REXO1: variants seen among roughly 807,000 people sequenced by gnomAD.
REXO1 encodes the protein RNA exonuclease 1 homolog.
A neutral mutation model predicts 102.6 loss-of-function variants in REXO1; 42 were observed. That is an observed-to-expected ratio of 0.41 (90% confidence interval 0.32 to 0.53). The LOEUF (loss-of-function observed/expected upper bound fraction) is 0.53, where lower values mean the gene tolerates loss of function less well. Ranked by LOEUF, REXO1 falls within the 20% of genes least tolerant of loss-of-function variation. The probability of loss-of-function intolerance (pLI) is 0.27; values close to 1 mark genes in which losing one functional copy is unlikely to be tolerated. For missense variants in REXO1, 1,819 were observed against 1,732.5 expected, an observed-to-expected ratio of 1.05 and a Z score of -0.89; for synonymous variants, 908 against 779.1, an observed-to-expected ratio of 1.17 and a Z score of -2.76.
At chr19:1,821,298 T>A (rs1187998997) in intron 5 of REXO1, among the ~76,000 whole-genome samples, 2 of 146,608 alleles carry the variant, frequency 1.4e-5, no homozygotes, top group African/African-American at 5.1e-5. Context: ...TGAGCCAAGA[T>A]CGTGCCACTG....
intron 1 of REXO1, among the ~76,000 whole-genome samples, chr19:1,844,489 A>C (rs745949491): frequency 6.6e-6 from 1 of 152,066 alleles, no homozygotes; most frequent in Non-Finnish European, 1.5e-5. Flanking sequence ...GGGCTTCAGG[A>C]GATATTGGGT....
Position 1,823,671 on chromosome 19 carries a change from C to T in REXO1, c.2131G>A (p.Ala711Thr). ...GACTTCTCTGCCAGCCTGGCGGGGGCCTGCAGCAAGCTCGCCGATGCCCTC... is the reference window on the plus strand; with the variant it reads ...GACTTCTCTGCCAGCCTGGCGGGGGTCTGCAGCAAGCTCGCCGATGCCCTC... ...AQRASASLLQ[A>T]PARLAEKSPS... Residue 711 changes from alanine to threonine, a missense_variant, in exon 4 of 16, where the codon GCC becomes ACC. Transcript: ENST00000170168. 7.7e-7 allele frequency: 1 copy of T among 1,293,556 alleles called. No individual in the cohort carries two copies. 80.1% of individuals were successfully genotyped at this position (1,293,556 alleles called of 1,614,324 possible). A position where few individuals can be genotyped will look rare whatever the true frequency, so the allele number is the denominator to read the frequency against.
chr19:1,819,079 C>T lies in REXO1; in HGVS notation c.2703G>A (p.Leu901=). The T allele has an allele frequency of 6.3e-7, 1 of 1,598,992 alleles. No individual in the cohort carries two copies. The highest frequency in any genetic ancestry group is 8.5e-7 in the Non-Finnish European group (1 of 1,171,962). ...VSHEVVLGGR[L]AAKTSFSLSR... ...TGAGCGAGAAGCTGGTCTTGGCGGCCAACCTGCCCCCCAACACCACCTCGT... is the reference window on the plus strand; with the variant it reads ...TGAGCGAGAAGCTGGTCTTGGCGGCTAACCTGCCCCCCAACACCACCTCGT... Residue 901 remains leucine (L), a synonymous_variant, in exon 8 of 16, where the codon TTG becomes TTA. Transcript: ENST00000170168.
At position 1,827,421 on chromosome 19, in the gene REXO1, C is replaced by T. The variant is rs994110301; in HGVS notation, c.1368G>A (p.Arg456=). The change falls in exon 2 of 16, where the codon CGG becomes CGA. Residue 456 remains arginine, a synonymous_variant. Coordinates refer to ENST00000170168, the MANE Select transcript of REXO1 (RefSeq NM_020695.4). ...AGTCCCCGCTTGTGGGGCTCGGCCG[C>T]CGCGCTGGCCGGTCAGGCCTCCCTT... ...SGKGRPDRPA[R]RPSPTSGDSR... is the part of the protein sequence containing the mutation. The T allele has an allele frequency of 1.3e-6, 2 of 1,546,930 alleles. No individual in the cohort carries two copies. Among genetic ancestry groups the T allele is most frequent in the African/African-American group, 2.8e-5 (2 of 72,102 alleles).
In REXO1 at chr19:1,827,960, C is replaced by G; in HGVS notation, c.829G>C (p.Asp277His). ...CTTGCATCGCAACTGCCAAAGGGGT[C>G]ACAGAGCTTCTTGGGAGCAGGTGTG... is the stretch of plus-strand genomic sequence containing the variant. The part of the protein sequence containing the change: ...PYTPAPKKLC[D>H]PFGSCDARFS... The change falls in exon 2 of 16, where the codon GAC (aspartate) becomes CAC (histidine). Residue 277 changes from aspartate (D) to histidine (H), a missense_variant. Coordinates refer to ENST00000170168, the MANE Select transcript of REXO1 (RefSeq NM_020695.4). The G allele has an allele frequency of 6.2e-7, 1 of 1,613,708 alleles. No homozygotes were observed. Among genetic ancestry groups the G allele is most frequent in the South Asian group, 1.1e-5 (1 of 91,078 alleles).
chr19:1,842,956 T>G (rs939481453), intron 1 of REXO1, among the ~76,000 whole-genome samples: 1 of 152,134 alleles, frequency 6.6e-6, no homozygotes, highest in Non-Finnish European at 1.5e-5. Context: ...GGGGGAGAGC[T>G]GCCAGCACAA....
chr19:1,831,964 C>T (rs1386366443), intron 1 of REXO1, among the ~76,000 whole-genome samples: 1 of 151,730 alleles, frequency 6.6e-6, no homozygotes, highest in African/African-American at 2.4e-5. Context: ...CCAGGTAAGT[C>T]CCCATCCTAA....
chr19:1,820,744 G>A (rs907300673), intron 5 of REXO1, among the ~76,000 whole-genome samples: 1 of 152,170 alleles, frequency 6.6e-6, no homozygotes, highest in African/African-American at 2.4e-5. Flanking sequence ...TATAATCCCA[G>A]CACTTTGGGA....
chr19:1,817,585 G>A (rs1600512187), intron 11 of REXO1, 122 bp downstream of exon 11: 2 of 1,437,036 alleles, frequency 1.4e-6, no homozygotes, highest in Non-Finnish European at 1.9e-6. Context: ...ACACAAGAAA[G>A]GCTGCCCGGG....
At chr19:1,818,636 G>C in intron 9 of REXO1, 41 bp from the exon 10 acceptor site, 1 of 1,607,788 alleles carries the variant, frequency 6.2e-7, no homozygotes, top group Non-Finnish European at 8.5e-7. Flanking sequence ...GCTCACGCTG[G>C]GGCCCGCATG....
At position 1,828,486 on chromosome 19, in the gene REXO1, C is replaced by T. The variant is rs759835758; in HGVS notation, c.303G>A (p.Glu101=). The change falls in exon 2 of 16, where the codon GAG becomes GAA. Residue 101 remains glutamate (E), a synonymous_variant. Transcript: ENST00000170168. ...VNQAIEAVRS[E]VELEQRRYRE... ...GGTAGCGCCGCTGCTCCAGCTCCACCTCACTGCGCACGGCCTCGATGGCCT... is the reference window on the plus strand; with the variant it reads ...GGTAGCGCCGCTGCTCCAGCTCCACTTCACTGCGCACGGCCTCGATGGCCT... The T allele has an allele frequency of 1.2e-6, 2 of 1,605,970 alleles. No homozygotes were observed. Among genetic ancestry groups the T allele is most frequent in the Middle Eastern group, 1.6e-4 (1 of 6,062 alleles).
chr19:1,835,545 T>TACACACATACATACATACATACAC (rs2070015084), intron 1 of REXO1, among the ~76,000 whole-genome samples: 1 of 152,050 alleles, frequency 6.6e-6, no homozygotes, highest in African/African-American at 2.4e-5. Flanking sequence ...TATACATGCA[T>TACACACATACATACATACATACAC]ACACACATAC....
intron 1 of REXO1, among the ~76,000 whole-genome samples, chr19:1,831,090 C>T (rs2069888558): frequency 6.6e-6 from 1 of 152,172 alleles, no homozygotes; most frequent in Non-Finnish European, 1.5e-5. Flanking sequence ...ACACCAAGCC[C>T]GCAGTCCCAT....
Position 1,816,250 on chromosome 19 carries a change from G to C in REXO1, c.3552C>G (p.Tyr1184Ter), listed in dbSNP as rs761550066. 1.3e-6 allele frequency: 2 copies of C among 1,589,408 alleles called. No individual in the cohort carries two copies. Among genetic ancestry groups the C allele is most frequent in the Non-Finnish European group, 1.7e-6 (2 of 1,168,112 alleles). ...CATTGTCCTGGATGATCTGTCTGAG[G>C]TAGTCGGCCATGAGGTTCCGCAGGG... ...KRSLRNLMAD[Y>*]LRQIIQDNVD... is the part of the protein sequence containing the mutation. The change falls in exon 15 of 16, where the codon TAC becomes TAG. Residue 1184 changes from tyrosine (Y) to a stop codon, truncating the protein, a stop_gained. Coordinates refer to ENST00000170168, the MANE Select transcript of REXO1 (RefSeq NM_020695.4). LOFTEE classifies it high-confidence loss of function.
chr19:1,822,933 G>A (rs2069589986), intron 4 of REXO1: 1 of 152,476 alleles, frequency 6.6e-6, no homozygotes, highest in Admixed American at 6.5e-5. Flanking sequence ...CCAGCCTCCA[G>A]ACCAGAACCT....
intron 1 of REXO1, among the ~76,000 whole-genome samples, chr19:1,847,903 T>C (rs11084910): frequency 0.75 from 114,548 of 152,182 alleles, 43,287 homozygotes; most frequent in Middle Eastern, 0.81. Flanking sequence ...CGAGCCCCCT[T>C]GTGTCAGGCC....
At chr19:1,829,592 T>A (rs1319438822) in intron 1 of REXO1, among the ~76,000 whole-genome samples, 2 of 152,162 alleles carry the variant, frequency 1.3e-5, no homozygotes, top group African/African-American at 4.8e-5. Flanking sequence ...GCGGATCACC[T>A]GAGGTCGGGA....
chr19:1,846,959 G>T (rs1194769830), intron 1 of REXO1, among the ~76,000 whole-genome samples: 1 of 152,082 alleles, frequency 6.6e-6, no homozygotes, highest in Non-Finnish European at 1.5e-5. Flanking sequence ...TCTCCCACGC[G>T]TTGCCTTCTT....
intron 12 of REXO1, 109 bp downstream of exon 12, chr19:1,817,110 C>G: frequency 7.5e-7 from 1 of 1,337,774 alleles, no homozygotes; most frequent in Non-Finnish European, 1.0e-6. Context: ...CGAGAGAAAC[C>G]CTGAGCGCTG....
Sources: gnomAD v4.1 joint callset for allele counts (sites outside exome capture counted in the v4.1 genomes callset) on GRCh38, gnomAD v4.1.1 for gene constraint, MANE v1.5 for transcripts, NCBI Gene and HGNC (gene_info 2026-07-23, HGNC 2026-07-21) for gene names.